The following ATP10A variants were observed in gnomAD, a reference collection of about 807,000 sequenced individuals.
The protein encoded by ATP10A is phospholipid-transporting ATPase VA.
Under a neutral mutation model 147.8 loss-of-function variants are expected in ATP10A, and 111 were observed. The ratio of observed to expected loss-of-function variants is 0.75; its 90% CI spans 0.64 to 0.88. The LOEUF (loss-of-function observed/expected upper bound fraction) is 0.88. Ranked by LOEUF, ATP10A falls within the 40% of genes least tolerant of loss-of-function variation. The pLI is 0.00. For missense variants in ATP10A, 1,927 were observed against 1,959.0 expected (o/e 0.98, Z 0.31); for synonymous variants, 875 against 841.6 (o/e 1.04, Z -0.69).
Position 25,718,244 on chromosome 15 carries a change from T to C in ATP10A, c.1519A>G (p.Ser507Gly). ...CTGGCCCTCTTGGCCTCGGCCCGGCTGCCCGTGCGCCGGTGGGACTTGGTG... is the reference window on the plus strand; with the variant it reads ...CTGGCCCTCTTGGCCTCGGCCCGGCCGCCCGTGCGCCGGTGGGACTTGGTG... ...QSTKSHRRTG[S>G]RAEAKRASML... Residue 507 changes from serine to glycine, a missense_variant, in exon 8 of 21, where the codon AGC becomes GGC. Coordinates refer to ENST00000555815, the MANE Select transcript of ATP10A (RefSeq NM_024490.4). 1.9e-6 allele frequency: 3 copies of C among 1,613,006 alleles called. No homozygotes were observed. Among genetic ancestry groups the C allele is most frequent in the Non-Finnish European group, 2.5e-6 (3 of 1,179,976 alleles).
chr15:25,837,371 G>A (rs1163174560), intron 1 of ATP10A, among the ~76,000 whole-genome samples: 2 of 152,208 alleles, frequency 1.3e-5, no homozygotes, highest in Admixed American at 1.3e-4. Flanking sequence ...CATTTGCAAC[G>A]ATGTGGATGA....
chr15:25,723,864 T>TTATTG (rs770793861), intron 6 of ATP10A, 27 bp downstream of exon 6: 2 of 1,525,842 alleles, frequency 1.3e-6, no homozygotes, highest in East Asian at 4.7e-5. Context: ...AGTAAAGCAA[T>TTATTG]TATTGTACGA....
intron 1 of ATP10A, among the ~76,000 whole-genome samples, chr15:25,798,819 C>T (rs1266359229): frequency 2.0e-5 from 3 of 152,170 alleles, no homozygotes; most frequent in South Asian, 2.1e-4. Context: ...CAGCTGTGCC[C>T]GTGTCCCTTC....
intron 1 of ATP10A, among the ~76,000 whole-genome samples, chr15:25,813,371 C>G (rs900812652): frequency 3.3e-4 from 50 of 152,242 alleles, no homozygotes; most frequent in African/African-American, 1.2e-3. Context: ...AAAAGTAAGC[C>G]TCCACAGGGC....
intron 1 of ATP10A, among the ~76,000 whole-genome samples, chr15:25,790,527 G>T (rs1002428271): frequency 6.6e-6 from 1 of 152,156 alleles, no homozygotes; most frequent in African/African-American, 2.4e-5. Context: ...AATGAAGAAA[G>T]GATGCAGAGT....
chr15:25,807,286 C>T (rs1891230001), intron 1 of ATP10A, among the ~76,000 whole-genome samples: 2 of 152,140 alleles, frequency 1.3e-5, no homozygotes, highest in South Asian at 2.1e-4. Flanking sequence ...AGCAGGGTGG[C>T]CCCCCACCAG....
At chr15:25,749,185 A>G (rs558697022) in intron 2 of ATP10A, among the ~76,000 whole-genome samples, 1 of 152,266 alleles carries the variant, frequency 6.6e-6, no homozygotes, top group Admixed American at 6.5e-5. Flanking sequence ...TACTATATTT[A>G]CTACATGTAA....
At chr15:25,781,246 C>T (rs1430697156) in intron 1 of ATP10A, 23 bp from the exon 2 acceptor site, 4 of 1,591,766 alleles carry the variant, frequency 2.5e-6, no homozygotes, top group Non-Finnish European at 8.6e-7. Context: ...TTTTGATTAA[C>T]AAAACTCACG....
intron 2 of ATP10A, among the ~76,000 whole-genome samples, chr15:25,748,637 C>A (rs972061491): frequency 1.3e-5 from 2 of 151,500 alleles, no homozygotes; most frequent in Non-Finnish European, 1.5e-5. Context: ...GGAGTCCTTG[C>A]CACTGCAATT....
At chr15:25,674,372 C>T (rs1359586564), downstream of ATP10A, among the ~76,000 whole-genome samples, 1 of 152,184 alleles carries the variant, frequency 6.6e-6, no homozygotes, top group Non-Finnish European at 1.5e-5. Context: ...AGACGCTTGG[C>T]ACTACCTGTC....
chr15:25,728,994 G>A (rs1333423644), intron 3 of ATP10A, among the ~76,000 whole-genome samples: 5 of 152,158 alleles, frequency 3.3e-5, no homozygotes, highest in African/African-American at 7.2e-5. Context: ...AGGCCCGGCC[G>A]AGGGCGACAC....
intron 12 of ATP10A, among the ~76,000 whole-genome samples, chr15:25,704,565 G>T (rs993453628): frequency 1.3e-5 from 2 of 152,192 alleles, no homozygotes; most frequent in African/African-American, 2.4e-5. Flanking sequence ...CTTAGTTCAG[G>T]AGCTATTTGG....
intron 17 of ATP10A, among the ~76,000 whole-genome samples, chr15:25,683,027 C>T (rs1226647431): frequency 6.6e-6 from 1 of 152,168 alleles, no homozygotes; most frequent in Non-Finnish European, 1.5e-5. Context: ...CAGTGATCCC[C>T]TGTGACTGAC....
chr15:25,752,419 C>G (rs144553728), intron 2 of ATP10A, among the ~76,000 whole-genome samples: 307 of 152,286 alleles, frequency 2.0e-3, no homozygotes, highest in South Asian at 6.2e-3. Flanking sequence ...ATTTCATATA[C>G]TCACTTATAT....
chr15:25,690,958 G>A (rs1900000842), intron 15 of ATP10A, among the ~76,000 whole-genome samples: 1 of 152,140 alleles, frequency 6.6e-6, no homozygotes, highest in South Asian at 2.1e-4. Context: ...TGGAACATCA[G>A]CTAAAACTAT....
intron 9 of ATP10A, among the ~76,000 whole-genome samples, chr15:25,715,894 A>G (rs1261652974): frequency 6.6e-6 from 1 of 152,072 alleles, no homozygotes; most frequent in African/African-American, 2.4e-5. Context: ...TCAACATTCA[A>G]AACTGCCTGG....
Position 25,845,203 on chromosome 15 carries a change from C to T in ATP10A, c.449+17445G>A, listed in dbSNP as rs1328397260. Among the ~76,000 whole-genome samples, 8 of 152,284 alleles carry T rather than the reference C, an allele frequency of 5.3e-5. No homozygotes were observed. In the East Asian group the frequency reaches 1.4e-3, roughly 26 times the overall value. On this transcript the variant is annotated intron_variant, in intron 1 of 20. Transcript: ENST00000555815. ...CTGCTGACTGCCAGGAATCTGGGCA[C>T]GCACAAGGGACACAGACTGAATGTA...
intron 2 of ATP10A, among the ~76,000 whole-genome samples, chr15:25,751,159 C>T (rs1436117104): frequency 6.6e-6 from 1 of 152,010 alleles, no homozygotes; most frequent in East Asian, 1.9e-4. Context: ...CAAAAGAAAG[C>T]TAAAATGGCT....
At chr15:25,743,140 G>A (rs919299438) in intron 2 of ATP10A, among the ~76,000 whole-genome samples, 3 of 152,178 alleles carry the variant, frequency 2.0e-5, no homozygotes, top group African/African-American at 7.2e-5. Flanking sequence ...ATGGACCACA[G>A]GGCCATTGGT....
Sources: allele counts gnomAD v4.1 joint callset (sites outside exome capture counted in the v4.1 genomes callset), GRCh38; gene constraint gnomAD v4.1.1; transcripts MANE v1.5; gene names NCBI Gene and HGNC (gene_info 2026-07-23, HGNC 2026-07-21).